The following DOCK4 variants were observed in gnomAD, a reference collection of about 807,000 sequenced individuals.
The protein encoded by DOCK4 is dedicator of cytokinesis 4, also known as dedicator of cytokinesis protein 4.
In DOCK4, 97 loss-of-function variants were observed where a neutral mutation model predicts 268.1. The ratio of observed to expected loss-of-function variants is 0.36; its 90% CI spans 0.31 to 0.43. DOCK4 has a LOEUF of 0.43. Among genes scored for constraint, DOCK4 ranks in the 20% least tolerant of loss-of-function variants. The probability of loss-of-function intolerance (pLI) is 1.00; values close to 1 mark genes in which losing one functional copy is unlikely to be tolerated. For synonymous variants in DOCK4, 954 were observed against 887.2 expected (o/e 1.08, Z -1.34); for missense variants, 2,145 against 2,455.7 (o/e 0.87, Z 2.67).
chr7:111,761,503 TGTGGGATCTCAGGCC>T (rs937540882), intron 39 of DOCK4, among the ~76,000 whole-genome samples: 16 of 152,218 alleles, frequency 1.1e-4, no homozygotes, highest in Non-Finnish European at 2.4e-4. Context: ...CAGGAAAACT[TGTGGGATCTCAGGCC>T]CTGGAGATCT....
intron 1 of DOCK4, among the ~76,000 whole-genome samples, chr7:112,069,345 G>A (rs569119082): frequency 5.5e-4 from 83 of 152,216 alleles, no homozygotes; most frequent in Middle Eastern, 3.4e-3. Context: ...AACTATTAAT[G>A]AAAGACATAA....
At chr7:111,742,949 G>A (rs573366064) in intron 44 of DOCK4, among the ~76,000 whole-genome samples, 14 of 151,708 alleles carry the variant, frequency 9.2e-5, no homozygotes, top group African/African-American at 2.9e-4. Flanking sequence ...CCAAGATCAT[G>A]CCACTGCATT....
At chr7:111,825,191 TCTTA>T (rs759372134) in intron 26 of DOCK4, among the ~76,000 whole-genome samples, 14 of 152,212 alleles carry the variant, frequency 9.2e-5, no homozygotes, top group Non-Finnish European at 1.9e-4. Context: ...TCCACATTTT[TCTTA>T]CTTCTAAAAT....
At chr7:112,088,356 G>C (rs965441331) in intron 1 of DOCK4, among the ~76,000 whole-genome samples, 2 of 152,040 alleles carry the variant, frequency 1.3e-5, no homozygotes, top group African/African-American at 4.8e-5. Context: ...TTCTTTGAAA[G>C]GTTAGATGTT....
chr7:112,068,373 T>C (rs1281147789), intron 1 of DOCK4, among the ~76,000 whole-genome samples: 7 of 152,326 alleles, frequency 4.6e-5, no homozygotes, highest in Middle Eastern at 3.4e-3. Flanking sequence ...GGTAGCATAG[T>C]ACTATGATTA....
intron 1 of DOCK4, among the ~76,000 whole-genome samples, chr7:112,130,670 C>T (rs1813718740): frequency 6.6e-6 from 1 of 152,188 alleles, no homozygotes; most frequent in African/African-American, 2.4e-5. Flanking sequence ...TATGTGCCTT[C>T]TCAATGCTGG....
At chr7:111,752,561 T>A (rs1796731530) in intron 42 of DOCK4, among the ~76,000 whole-genome samples, 1 of 150,598 alleles carries the variant, frequency 6.6e-6, no homozygotes, top group Non-Finnish European at 1.5e-5. Flanking sequence ...TGATTAAAAA[T>A]TTTTTAATCA....
intron 1 of DOCK4, among the ~76,000 whole-genome samples, chr7:112,073,172 G>A (rs1807756490): frequency 6.6e-6 from 1 of 151,988 alleles, no homozygotes; most frequent in Non-Finnish European, 1.5e-5. Flanking sequence ...CCTAAAACCT[G>A]CCTAGGTCTC....
At chr7:111,824,015 A>G (rs1802209713) in intron 26 of DOCK4, among the ~76,000 whole-genome samples, 2 of 152,182 alleles carry the variant, frequency 1.3e-5, no homozygotes, top group African/African-American at 2.4e-5. Flanking sequence ...ATCAACACAC[A>G]TATGTTGATA....
intron 12 of DOCK4, among the ~76,000 whole-genome samples, chr7:111,934,960 T>C (rs934328391): frequency 6.6e-6 from 1 of 152,066 alleles, no homozygotes; most frequent in African/African-American, 2.4e-5. Context: ...TTTTTTTTTT[T>C]CTTTGAGACA....
chr7:111,743,375 G>A (rs1338493988), intron 44 of DOCK4, among the ~76,000 whole-genome samples: 1 of 152,148 alleles, frequency 6.6e-6, no homozygotes, highest in East Asian at 1.9e-4. Context: ...GGCGGGTTGG[G>A]GCATCCAGCA....
chr7:112,061,850 T>C (rs952301785), intron 1 of DOCK4, among the ~76,000 whole-genome samples: 52 of 152,180 alleles, frequency 3.4e-4, no homozygotes, highest in African/African-American at 1.2e-3. Context: ...GTCTTTGTTA[T>C]AGGAATCTTC....
Position 111,994,243 on chromosome 7 carries a change from A to G in DOCK4, c.219-12T>C. Reference sequence around the variant, plus strand: ...CCATTTCAAATTGTCTGTGAAATTAAAAAAGAAAAAGTATATATGTAAATA... The same window carrying G: ...CCATTTCAAATTGTCTGTGAAATTAGAAAAGAAAAAGTATATATGTAAATA... On this transcript the variant is annotated splice_polypyrimidine_tract_variant and intron_variant, in intron 4 of 52. Transcript: ENST00000428084. 6.6e-7 allele frequency: 1 copy of G among 1,525,680 alleles called. No individual in the cohort carries two copies. The highest frequency in any genetic ancestry group is 9.0e-7 in the Non-Finnish European group (1 of 1,116,176). The allele number at this position is 1,525,680 out of a possible 1,614,324, so 94.5% of individuals were successfully genotyped here.
intron 14 of DOCK4, 54 bp from the exon 15 acceptor site, chr7:111,900,590 GA>G: frequency 6.4e-7 from 1 of 1,550,534 alleles, no homozygotes; most frequent in Non-Finnish European, 8.7e-7. Flanking sequence ...AAGATCTTTT[GA>G]AAAGGCAGAG....
chr7:111,861,699 T>A (rs1460908157), intron 23 of DOCK4, among the ~76,000 whole-genome samples: 1 of 146,606 alleles, frequency 6.8e-6, no homozygotes, highest in Non-Finnish European at 1.5e-5. Flanking sequence ...TGAGCTAAGA[T>A]CATGCCACTG....
At chr7:112,090,459 C>T (rs1460734189) in intron 1 of DOCK4, among the ~76,000 whole-genome samples, 1 of 152,160 alleles carries the variant, frequency 6.6e-6, no homozygotes, top group African/African-American at 2.4e-5. Flanking sequence ...GCAAAAATAT[C>T]TGTTTAGACA....
intron 1 of DOCK4, among the ~76,000 whole-genome samples, chr7:112,108,104 T>C (rs1276121931): frequency 6.6e-6 from 1 of 152,180 alleles, no homozygotes; most frequent in Non-Finnish European, 1.5e-5. Context: ...AAGTTCTGAG[T>C]TTAAACTTAT....
intron 1 of DOCK4, among the ~76,000 whole-genome samples, chr7:112,086,595 G>A (rs1435481219): frequency 6.6e-6 from 1 of 152,114 alleles, no homozygotes; most frequent in Non-Finnish European, 1.5e-5. Flanking sequence ...AACAGTGGTT[G>A]CCAAAAATCT....
At chr7:111,925,122 C>T (rs138494989) in intron 12 of DOCK4, among the ~76,000 whole-genome samples, 262 of 152,300 alleles carry the variant, frequency 1.7e-3, no homozygotes, top group South Asian at 0.014. Context: ...ACAAATTTTA[C>T]ATCTATTCCT....
Sources: allele counts gnomAD v4.1 joint callset (sites outside exome capture counted in the v4.1 genomes callset), GRCh38; gene constraint gnomAD v4.1.1; transcripts MANE v1.5; gene names NCBI Gene and HGNC (gene_info 2026-07-23, HGNC 2026-07-21).